The following LRRC45 variants were observed in gnomAD, a reference collection of about 807,000 sequenced individuals.
The protein encoded by LRRC45 is leucine-rich repeat-containing protein 45.
In LRRC45, 73 loss-of-function variants were observed where a neutral mutation model predicts 85.4. The ratio of observed to expected loss-of-function variants is 0.85; its 90% CI spans 0.71 to 1.04. LRRC45 has a LOEUF of 1.04. LRRC45 is among the 50% of genes least tolerant of loss of function. The pLI is 0.00. For synonymous variants in LRRC45, 429 were observed against 386.0 expected (o/e 1.11, Z -1.31); for missense variants, 937 against 883.3 (o/e 1.06, Z -0.77).
Position 82,024,741 on chromosome 17 carries a change from C to G in LRRC45, c.331C>G (p.Gln111Glu). The change falls in exon 3 of 17, where the codon CAA (glutamine) becomes GAA (glutamate). Residue 111 changes from glutamine (Q) to glutamate (E), a missense_variant. Transcript: ENST00000306688. ...AGAEALGKLL[Q>E]QNKSIQSLTL... is the part of the protein sequence containing the mutation. ...GGCCGAGGCTCTGGGAAAACTCCTCCAACAGAACAAGTCCATTCAGAGGTG... is the reference window on the plus strand; with the variant it reads ...GGCCGAGGCTCTGGGAAAACTCCTCGAACAGAACAAGTCCATTCAGAGGTG... 1.3e-6 allele frequency: 2 copies of G among 1,578,884 alleles called. No homozygotes were observed. The highest frequency in any genetic ancestry group is 1.7e-6 in the Non-Finnish European group (2 of 1,166,584).
intron 1 of LRRC45, 115 bp downstream of exon 1, chr17:82,023,978 C>T: frequency 9.9e-7 from 1 of 1,006,196 alleles, no homozygotes; most frequent in Admixed American, 2.4e-5. Flanking sequence ...GTAGTTAAAG[C>T]GAGCAGGGGC....
intron 2 of LRRC45, 34 bp downstream of exon 2, chr17:82,024,373 G>A (rs768169408): frequency 1.2e-6 from 2 of 1,610,518 alleles, no homozygotes; most frequent in Non-Finnish European, 1.7e-6. Flanking sequence ...GTCCGAGTGT[G>A]CCACCCAAGG....
intron 8 of LRRC45, 42 bp downstream of exon 8, chr17:82,027,793 A>G: frequency 6.3e-7 from 1 of 1,592,642 alleles, no homozygotes; most frequent in East Asian, 2.2e-5. Flanking sequence ...AGACGTGCCC[A>G]CAGGGCAGAG....
rs1250512513 is a variant in LRRC45, at chr17:82,024,711, G to A, written c.301G>A (p.Ala101Thr). 2.5e-6 allele frequency: 4 copies of A among 1,575,048 alleles called. No individual in the cohort carries two copies. Among genetic ancestry groups the A allele is most frequent in the Non-Finnish European group, 3.4e-6 (4 of 1,164,450 alleles). Reference sequence around the variant, plus strand: ...CTCCTAGGGCAACAACCTTCGGGCTGCAGGGGCCGAGGCTCTGGGAAAACT... The same window carrying A: ...CTCCTAGGGCAACAACCTTCGGGCTACAGGGGCCGAGGCTCTGGGAAAACT... ...LDLKGNNLRA[A>T]GAEALGKLLQ... Residue 101 changes from alanine (A) to threonine (T), a missense_variant, in exon 3 of 17, where the codon GCA becomes ACA. Coordinates refer to ENST00000306688, the MANE Select transcript of LRRC45 (RefSeq NM_144999.4).
In LRRC45 at chr17:82,024,261, CG is replaced by C. The variant is rs1568013065; in HGVS notation, c.221-15del. 2 of 1,610,640 alleles carry C rather than the reference CG, an allele frequency of 1.2e-6. No individual in the cohort carries two copies. The highest frequency in any genetic ancestry group is 2.2e-5 in the East Asian group (1 of 44,874). On this transcript the variant is annotated splice_polypyrimidine_tract_variant and intron_variant, in intron 1 of 16. Coordinates refer to ENST00000306688, the MANE Select transcript of LRRC45 (RefSeq NM_144999.4). ...GTCAGCAGGGGCAGAGAGTGACCGC[CG>C]GCCCCCCTTACACAGGGGCCACACT...
At chr17:82,028,975 T>C (rs1277955403) in intron 12 of LRRC45, 118 bp from the exon 13 acceptor site, 1 of 940,084 alleles carries the variant, frequency 1.1e-6, no homozygotes, top group African/African-American at 1.6e-5. Flanking sequence ...GAGGCAGTGC[T>C]TTCTCAGAAT....
At chr17:82,027,107 C>A in intron 6 of LRRC45, 96 bp downstream of exon 6, 2 of 1,126,348 alleles carry the variant, frequency 1.8e-6, no homozygotes, top group Non-Finnish European at 2.6e-6. Context: ...CCCATCTTCC[C>A]TTCCTCGGGG....
intron 13 of LRRC45, 79 bp downstream of exon 13, chr17:82,029,264 T>C (rs1206117063): frequency 7.3e-7 from 1 of 1,372,382 alleles, no homozygotes; most frequent in East Asian, 2.4e-5. Context: ...GTTCGCCGCC[T>C]CAGGACCAGA....
At chr17:82,024,525 A>G (rs1297324748) in intron 2 of LRRC45, among the ~76,000 whole-genome samples, 168 bp from the exon 3 acceptor site, 2 of 152,072 alleles carry the variant, frequency 1.3e-5, no homozygotes, top group African/African-American at 4.8e-5. Context: ...ACATTGGCAA[A>G]CAAGCCGGCC....
rs776439176 is a variant in LRRC45, at chr17:82,027,437, A to G, written c.826A>G (p.Ser276Gly). The change falls in exon 7 of 17, where the codon AGC (serine) becomes GGC (glycine). Residue 276 changes from serine to glycine, a missense_variant. Physicochemically the swap from Ser to Gly is moderately conservative, Grantham distance 56. Transcript: ENST00000306688. ...IDKQREEMAK[S>G]SRASAARVGQ... is the part of the protein sequence containing the mutation. ...TAAGCAGCGAGAAGAGATGGCCAAG[A>G]GCAGCAGGTGAGCGGGCCCAGGGCA... 4.3e-6 allele frequency: 7 copies of G among 1,612,608 alleles called. No individual in the cohort carries two copies. Among genetic ancestry groups the G allele is most frequent in the Non-Finnish European group, 5.9e-6 (7 of 1,179,966 alleles).
chr17:82,028,095 G>C lies in LRRC45; in HGVS notation c.996G>C (p.Glu332Asp). The change falls in exon 9 of 17, where the codon GAG (glutamate) becomes GAC (aspartate). Residue 332 changes from glutamate (E) to aspartate (D), a missense_variant. Transcript: ENST00000306688. The stretch of plus-strand genomic sequence containing the variant: ...AGCTCCTGGCCACAGCGGAGCAGGA[G>C]CAGCTGAGCCTGTCACAGAGGCAGG... ...LGELLATAEQ[E>D]QLSLSQRQAK... The C allele has an allele frequency of 1.3e-6, 2 of 1,584,426 alleles. No homozygotes were observed. Among genetic ancestry groups the C allele is most frequent in the Non-Finnish European group, 8.6e-7 (1 of 1,166,762 alleles).
At chr17:82,029,405 G>C (rs948937974) in intron 13 of LRRC45, 138 bp from the exon 14 acceptor site, 2 of 1,041,496 alleles carry the variant, frequency 1.9e-6, no homozygotes, top group Admixed American at 4.4e-5. Flanking sequence ...CAGCGAGCTA[G>C]GTGGCAGAGC....
chr17:82,024,106 G>C, intron 1 of LRRC45, 172 bp from the exon 2 acceptor site: 1 of 807,726 alleles, frequency 1.2e-6, no homozygotes, highest in Non-Finnish European at 1.9e-6. Context: ...CCTGGCAGGG[G>C]CTGCAGGTGT....
In LRRC45 at chr17:82,028,400, G is replaced by C; in HGVS notation, c.1129G>C (p.Asp377His). The C allele has an allele frequency of 6.2e-6, 10 of 1,612,634 alleles. No homozygotes were observed. Among genetic ancestry groups the C allele is most frequent in the Non-Finnish European group, 8.5e-6 (10 of 1,179,952 alleles). ...CCTCCCTGGTGCCGGCTTTCAGGTA[G>C]ACGAGTTGGAGCGGAAGTTCAGGTG... Reference protein sequence around the residue: ...EKNLLLQNQVDELERKFRCQQ... With the variant: ...EKNLLLQNQVHELERKFRCQQ... Residue 377 changes from aspartate to histidine, a missense_variant, in exon 11 of 17, where the codon GAC becomes CAC. Physicochemically the swap from Asp to His is moderately conservative, Grantham distance 81 (BLOSUM62 -1). Coordinates refer to ENST00000306688, the MANE Select transcript of LRRC45 (RefSeq NM_144999.4).
intron 12 of LRRC45, 93 bp from the exon 13 acceptor site, chr17:82,028,998 CAA>C (rs775587498): frequency 6.0e-4 from 702 of 1,168,042 alleles, no homozygotes; most frequent in Middle Eastern, 3.3e-3. Flanking sequence ...ACAAGGTTCT[CAA>C]GAGACACCTG....
At chr17:82,023,968 GTAGTTAA>G in intron 1 of LRRC45, 105 bp downstream of exon 1, 1 of 1,156,642 alleles carries the variant, frequency 8.6e-7, no homozygotes, top group Admixed American at 2.3e-5. Flanking sequence ...TTTCTGTGCC[GTAGTTAA>G]AGCGAGCAGG....
In LRRC45 at chr17:82,026,745, CT is replaced by C. The variant is rs554578798; in HGVS notation, c.662-148del. On this transcript the variant is annotated intron_variant, in intron 5 of 16. Coordinates refer to ENST00000306688, the MANE Select transcript of LRRC45 (RefSeq NM_144999.4). ...AGGTGTGCGCTACCATGCCCAGCTA[CT>C]TTTTTGTATTTTTAGTACAGATGGG... is the stretch of plus-strand genomic sequence containing the variant. 9.4e-4 allele frequency: 516 copies of C among 546,258 alleles called. 10 individuals are homozygous for C. In the East Asian group the frequency reaches 0.018, roughly 19 times the overall value. The allele number at this position is 546,258 out of a possible 1,614,324, so 33.8% of individuals were successfully genotyped here.
chr17:82,027,356 T>G, intron 6 of LRRC45, 30 bp from the exon 7 acceptor site: 1 of 1,612,134 alleles, frequency 6.2e-7, no homozygotes, highest in Non-Finnish European at 8.5e-7. Flanking sequence ...GCAGGTGCCC[T>G]GACAGGGCTG....
At position 82,028,221 on chromosome 17, in the gene LRRC45, G is replaced by C. The variant is rs369260696; in HGVS notation, c.1048-13G>C. 6 of 1,567,124 alleles carry C rather than the reference G, an allele frequency of 3.8e-6. No homozygotes were observed. The South Asian group carries it at 7.0e-5, about 18-fold the overall frequency. ...TCGTGACCCTCACTACCCATACCCCGTTCCCCTCCCAGGAAGCTGCAGAGC... is the reference window on the plus strand; with the variant it reads ...TCGTGACCCTCACTACCCATACCCCCTTCCCCTCCCAGGAAGCTGCAGAGC... On this transcript the variant is annotated splice_polypyrimidine_tract_variant and intron_variant, in intron 9 of 16. Transcript: ENST00000306688.
Sources: allele counts gnomAD v4.1 joint callset (sites outside exome capture counted in the v4.1 genomes callset), GRCh38; gene constraint gnomAD v4.1.1; transcripts MANE v1.5; gene names NCBI Gene and HGNC (gene_info 2026-07-23, HGNC 2026-07-21).